The following R3HDM1 variants were observed in gnomAD, a reference collection of about 807,000 sequenced individuals.
The protein encoded by R3HDM1 is R3H domain-containing protein 1.
R3HDM1 carries 46 observed loss-of-function variants against 141.1 expected under a neutral mutation model. The ratio of observed to expected loss-of-function variants is 0.33; its 90% CI spans 0.26 to 0.42. The LOEUF (loss-of-function observed/expected upper bound fraction) is 0.42. Ranked by LOEUF, R3HDM1 falls within the 10% of genes least tolerant of loss-of-function variation. The pLI, the probability that R3HDM1 is intolerant of heterozygous loss-of-function variation, is 1.00. For synonymous variants in R3HDM1, 435 were observed against 472.9 expected, an observed-to-expected ratio of 0.92 and a Z score of 1.04; for missense variants, 1,184 against 1,368.3, an observed-to-expected ratio of 0.87 and a Z score of 2.12.
At chr2:135,606,690 A>C (rs1574290838) in intron 3 of R3HDM1, 1 of 143,718 alleles carries the variant, frequency 7.0e-6, no homozygotes, top group East Asian at 2.1e-4. Flanking sequence ...CGGGAGGCAG[A>C]GGTTACAGTG....
intron 23 of R3HDM1, among the ~76,000 whole-genome samples, chr2:135,715,234 A>G (rs1350182695): frequency 6.6e-6 from 1 of 152,130 alleles, no homozygotes; most frequent in Non-Finnish European, 1.5e-5. Context: ...CTGTAGTCCC[A>G]GCTACAGGCT....
chr2:135,581,441 C>G, intron 1 of R3HDM1: 1 of 953,550 alleles, frequency 1.0e-6, no homozygotes, highest in Non-Finnish European at 1.2e-6. Context: ...TTGGATACCT[C>G]ATTTCACCAT....
intron 1 of R3HDM1, among the ~76,000 whole-genome samples, chr2:135,593,436 C>T (rs1709810277): frequency 6.6e-6 from 1 of 152,182 alleles, no homozygotes; most frequent in South Asian, 2.1e-4. Flanking sequence ...CATTAATGGC[C>T]CTGACTTTCT....
intron 21 of R3HDM1, among the ~76,000 whole-genome samples, chr2:135,687,616 C>T (rs2071581204): frequency 6.7e-6 from 1 of 150,340 alleles, no homozygotes; most frequent in Non-Finnish European, 1.5e-5. Context: ...CTTAAAGCAA[C>T]AAATATTTTT....
At chr2:135,615,247 G>GT (rs60747062) in intron 3 of R3HDM1, among the ~76,000 whole-genome samples, 26,675 of 145,872 alleles carry the variant, frequency 0.18, 3,038 homozygotes, top group East Asian at 0.47. Context: ...AAAATGATGG[G>GT]TTTTTTTTTT....
At chr2:135,536,357 G>A (rs919884038) in intron 1 of R3HDM1, 24 of 163,478 alleles carry the variant, frequency 1.5e-4, no homozygotes, top group Admixed American at 1.0e-3. Context: ...TGTTACCCAG[G>A]CTGGTCTCCC....
chr2:135,585,086 A>G (rs1454076434), intron 1 of R3HDM1, among the ~76,000 whole-genome samples: 1 of 152,202 alleles, frequency 6.6e-6, no homozygotes, highest in Non-Finnish European at 1.5e-5. Context: ...AAAAGATTGT[A>G]CACTGGAGAA....
intron 1 of R3HDM1, among the ~76,000 whole-genome samples, chr2:135,548,301 C>G (rs1699156984): frequency 6.6e-6 from 1 of 152,022 alleles, no homozygotes; most frequent in South Asian, 2.1e-4. Context: ...TGCTTTCTGC[C>G]ATATTAATCC....
intron 23 of R3HDM1, among the ~76,000 whole-genome samples, chr2:135,712,920 C>CA (rs888037595): frequency 4.0e-5 from 6 of 149,582 alleles, no homozygotes; most frequent in African/African-American, 7.4e-5. Flanking sequence ...GACTCCGTCT[C>CA]AAAAAAAATA....
At chr2:135,720,853 AACTT>A (rs2076633231) in intron 24 of R3HDM1, among the ~76,000 whole-genome samples, 1 of 152,218 alleles carries the variant, frequency 6.6e-6, no homozygotes, top group Non-Finnish European at 1.5e-5. Context: ...GGGAGATAAA[AACTT>A]AATGTTTATC....
At chr2:135,709,399 C>T in intron 21 of R3HDM1, 34 bp from the exon 22 acceptor site, 1 of 1,612,178 alleles carries the variant, frequency 6.2e-7, no homozygotes, top group Non-Finnish European at 8.5e-7. Flanking sequence ...AGTCATCCTC[C>T]TCTCATTATG....
At chr2:135,577,830 C>G (rs775013285) in intron 1 of R3HDM1, among the ~76,000 whole-genome samples, 1 of 126,748 alleles carries the variant, frequency 7.9e-6, no homozygotes, top group Non-Finnish European at 1.6e-5. Flanking sequence ...AAGAATGAAA[C>G]TTCATCTCAA....
chr2:135,708,189 A>AT (rs749884718), intron 21 of R3HDM1, among the ~76,000 whole-genome samples: 1 of 152,166 alleles, frequency 6.6e-6, no homozygotes, highest in Non-Finnish European at 1.5e-5. Context: ...TCCCTGAAGG[A>AT]TTTTTTAAAT....
At chr2:135,572,346 A>T (rs537990840) in intron 1 of R3HDM1, among the ~76,000 whole-genome samples, 3 of 152,336 alleles carry the variant, frequency 2.0e-5, no homozygotes, top group African/African-American at 7.2e-5. Flanking sequence ...ACATAACCCA[A>T]TTTAAAAGGG....
At chr2:135,679,366 C>A (rs2069819627) in intron 20 of R3HDM1, among the ~76,000 whole-genome samples, 1 of 152,040 alleles carries the variant, frequency 6.6e-6, no homozygotes, top group Non-Finnish European at 1.5e-5. Context: ...GGAAATAATA[C>A]CTCCTTTGTA....
Position 135,649,928 on chromosome 2 carries a change from A to G in R3HDM1, c.1650A>G (p.Ser550=), listed in dbSNP as rs1256013321. 7.7e-7 allele frequency: 1 copy of G among 1,290,918 alleles called. No homozygotes were observed. The highest frequency in any genetic ancestry group is 1.0e-6 in the Non-Finnish European group (1 of 982,172). The allele number at this position is 1,290,918 out of a possible 1,614,324, so 80.0% of individuals were successfully genotyped here. The change falls in exon 17 of 27, where the codon TCA becomes TCG. Residue 550 remains serine (S), a synonymous_variant. Coordinates refer to ENST00000683871, the MANE Select transcript of R3HDM1 (RefSeq NM_001378107.1). ...CTGTTCATCCTCTGCAGTCCTCTTC[A>G]CAGCCTGTTCAGTACTCTACAGCCC... ...SQPVHPLQSS[S]QPVQYSTAPY... is the part of the protein sequence containing the mutation.
rs995527061 is a variant in R3HDM1, at chr2:135,543,629, TA to T, written c.-250+11999del. Among the ~76,000 whole-genome samples the T allele has an allele frequency of 3.1e-4, 47 of 152,314 alleles. 1 individual carries two copies. The highest frequency in any genetic ancestry group is 1.1e-3 in the African/African-American group (47 of 41,590). Reference sequence around the variant, plus strand: ...AATATTTAATGATTAATAAGAATGATAAACATTGCAAGTTTACATGATACCA... The same window carrying T: ...AATATTTAATGATTAATAAGAATGATAACATTGCAAGTTTACATGATACCA... On this transcript the variant is annotated intron_variant, in intron 1 of 26. Transcript: ENST00000683871.
intron 1 of R3HDM1, among the ~76,000 whole-genome samples, chr2:135,570,337 G>C (rs528840418): frequency 6.6e-6 from 1 of 152,190 alleles, no homozygotes; most frequent in South Asian, 2.1e-4. Flanking sequence ...TGATGTGTCT[G>C]TATGCTGTAG....
At chr2:135,689,097 A>G (rs2071885430) in intron 21 of R3HDM1, among the ~76,000 whole-genome samples, 2 of 152,220 alleles carry the variant, frequency 1.3e-5, no homozygotes, top group South Asian at 4.1e-4. Context: ...CCCTGATCTT[A>G]AGCCTGAGCA....
Sources: gnomAD v4.1 joint callset for allele counts (sites outside exome capture counted in the v4.1 genomes callset) on GRCh38, gnomAD v4.1.1 for gene constraint, MANE v1.5 for transcripts, NCBI Gene and HGNC (gene_info 2026-07-23, HGNC 2026-07-21) for gene names.